SH3D19: variants seen among roughly 807,000 people sequenced by gnomAD.
SH3D19 encodes the protein SH3 domain-containing protein 19.
Under a neutral mutation model 112.1 loss-of-function variants are expected in SH3D19, and 58 were observed. The ratio of observed to expected loss-of-function variants is 0.52; its 90% CI spans 0.42 to 0.64. The LOEUF (loss-of-function observed/expected upper bound fraction) is 0.64. SH3D19 is among the 30% of genes least tolerant of loss of function. The pLI is 0.00. For synonymous variants in SH3D19, 391 were observed against 448.5 expected (o/e 0.87, Z 1.62); for missense variants, 1,090 against 1,263.4 (o/e 0.86, Z 2.08).
chr4:151,277,257 G>A, intron 1 of SH3D19: 1 of 1,460,168 alleles, frequency 6.8e-7, no homozygotes, highest in Non-Finnish European at 9.1e-7. Context: ...GAAGGCAGAG[G>A]CAGAGGATTT....
At position 151,198,382 on chromosome 4, in the gene SH3D19, T is replaced by TAACATATAA. The variant is rs1393433660; in HGVS notation, c.153-10920_153-10919insTTATATGTT. On this transcript the variant is annotated intron_variant, in intron 2 of 19. Transcript: ENST00000604030. ...AAAATTATATTATATAAAAATTATA[T>TAACATATAA]AATATATAATATATATCATATATTA... Among the ~76,000 whole-genome samples the TAACATATAA allele has an allele frequency of 4.7e-3, 184 of 39,082 alleles. 2 individuals are homozygous for TAACATATAA. The highest frequency in any genetic ancestry group is 0.014 in the Non-Finnish European group (127 of 8,842). The allele number at this position is 39,082 out of a possible 152,430, so 25.6% of individuals were successfully genotyped here.
At chr4:151,324,042 A>T (rs1730803760) in intron 1 of SH3D19, among the ~76,000 whole-genome samples, 1 of 152,244 alleles carries the variant, frequency 6.6e-6, no homozygotes, top group Non-Finnish European at 1.5e-5. Context: ...TTGGGTTTAC[A>T]CTGAACAAAA....
intron 2 of SH3D19, among the ~76,000 whole-genome samples, chr4:151,201,095 A>G (rs965068956): frequency 3.2e-4 from 48 of 152,368 alleles, no homozygotes; most frequent in African/African-American, 1.1e-3. Flanking sequence ...CTATTTTTAA[A>G]AATTGCTATA....
chr4:151,269,976 T>C (rs1008775497), intron 1 of SH3D19, among the ~76,000 whole-genome samples: 1 of 152,222 alleles, frequency 6.6e-6, no homozygotes, highest in African/African-American at 2.4e-5. Flanking sequence ...CAATAACATG[T>C]ATGGAGCTGT....
chr4:151,240,961 C>T lies in SH3D19; in HGVS notation c.113-14875G>A, dbSNP rs559711399. 2.6e-4 allele frequency among the ~76,000 whole-genome samples: 40 copies of T among 151,908 alleles called. 1 individual carries two copies. The South Asian group carries it at 8.3e-3, about 32-fold the overall frequency. ...AATGTAATTTAGCAAGAAAAAGGAA[C>T]GAAGTACTGGTCCATGCCACACATG... On this transcript the variant is annotated intron_variant, in intron 1 of 19. Coordinates refer to ENST00000604030, the MANE Select transcript of SH3D19 (RefSeq NM_001378122.1).
At chr4:151,247,828 GA>G (rs1367354021) in intron 1 of SH3D19, among the ~76,000 whole-genome samples, 1 of 152,140 alleles carries the variant, frequency 6.6e-6, no homozygotes. Flanking sequence ...TTAACTTTAA[GA>G]ATTGAATGTG....
intron 11 of SH3D19, among the ~76,000 whole-genome samples, chr4:151,145,882 G>A (rs1247723151): frequency 6.6e-6 from 1 of 152,140 alleles, no homozygotes; most frequent in Non-Finnish European, 1.5e-5. Context: ...GTTAAAGGAG[G>A]ATAATAATAT....
chr4:151,145,071 A>C (rs1463384735), intron 11 of SH3D19, among the ~76,000 whole-genome samples: 1 of 152,194 alleles, frequency 6.6e-6, no homozygotes, highest in Non-Finnish European at 1.5e-5. Flanking sequence ...CCATTTCCCA[A>C]CATCTTTGTC....
At chr4:151,141,891 T>C (rs1047902218) in intron 12 of SH3D19, among the ~76,000 whole-genome samples, 8 of 152,266 alleles carry the variant, frequency 5.3e-5, no homozygotes, top group Admixed American at 5.2e-4. Flanking sequence ...AGGGGATAAT[T>C]TGTGCCTCCC....
rs552915083 is a variant in SH3D19 at position 151,221,093 on chromosome 4, C to T, written c.152+4954G>A. On this transcript the variant is annotated intron_variant, in intron 2 of 19. Coordinates refer to ENST00000604030, the MANE Select transcript of SH3D19 (RefSeq NM_001378122.1). ...TTGGCCTACATATGATAAAACTTTT[C>T]CTTTAACTTGACAAGAATTATGTTT... 3.9e-5 allele frequency among the ~76,000 whole-genome samples: 6 copies of T among 152,174 alleles called. No individual in the cohort carries two copies. The South Asian group carries it at 8.3e-4, about 21-fold the overall frequency.
Position 151,174,533 on chromosome 4 carries a change from A to G in SH3D19, c.1534+137T>C, listed in dbSNP as rs1255696683. 3 of 681,674 alleles carry G rather than the reference A, an allele frequency of 4.4e-6. No individual in the cohort carries two copies. The East Asian group carries it at 9.0e-5, about 21-fold the overall frequency. 42.2% of individuals were successfully genotyped at this position (681,674 alleles called of 1,614,324 possible). A position where few individuals can be genotyped will look rare whatever the true frequency, so the allele number is the denominator to read the frequency against. The stretch of plus-strand genomic sequence containing the variant: ...TCTGTCTGTTCATTCCTCTGTTTCT[A>G]TACACACACATGCATGTGCACATAC... On this transcript the variant is annotated intron_variant, in intron 7 of 19. Transcript: ENST00000604030.
intron 1 of SH3D19, among the ~76,000 whole-genome samples, chr4:151,267,684 G>C (rs1368825653): frequency 6.6e-6 from 1 of 152,122 alleles, no homozygotes; most frequent in Non-Finnish European, 1.5e-5. Context: ...CAAAAAAATA[G>C]GGAAGAATTC....
intron 1 of SH3D19, among the ~76,000 whole-genome samples, chr4:151,319,118 T>TGGAGTG (rs1218681583): frequency 6.6e-6 from 1 of 152,198 alleles, no homozygotes; most frequent in Non-Finnish European, 1.5e-5. Context: ...TGGTGTGATC[T>TGGAGTG]CAGTTCACTG....
chr4:151,164,706 A>G (rs1757696457), intron 8 of SH3D19, among the ~76,000 whole-genome samples: 1 of 151,978 alleles, frequency 6.6e-6, no homozygotes, highest in Non-Finnish European at 1.5e-5. Context: ...CAGCCTCCCA[A>G]GTAGTTGGGA....
intron 1 of SH3D19, 67 bp from the exon 2 acceptor site, chr4:151,226,153 T>C: frequency 8.1e-7 from 1 of 1,230,594 alleles, no homozygotes; most frequent in Non-Finnish European, 1.0e-6. Context: ...AGTTTTTAAA[T>C]ACCAGCTGCC....
chr4:151,285,193 A>G (rs1240882426), intron 1 of SH3D19, among the ~76,000 whole-genome samples: 1 of 152,206 alleles, frequency 6.6e-6, no homozygotes, highest in Non-Finnish European at 1.5e-5. Flanking sequence ...GTAGCCTTTT[A>G]TATGCTGTCC....
intron 4 of SH3D19, among the ~76,000 whole-genome samples, chr4:151,179,050 T>C (rs1198326309): frequency 2.6e-5 from 4 of 152,224 alleles, no homozygotes; most frequent in Non-Finnish European, 5.9e-5. Flanking sequence ...CTAAGTAGCA[T>C]GAGGTACAAA....
chr4:151,165,737 A>G (rs758332486), intron 7 of SH3D19, 41 bp from the exon 8 acceptor site: 1 of 1,533,802 alleles, frequency 6.5e-7, no homozygotes, highest in East Asian at 2.2e-5. Flanking sequence ...TTTAGTTAAC[A>G]TGGACTGAAA....
At chr4:151,229,810 C>A (rs575606338) in intron 1 of SH3D19, among the ~76,000 whole-genome samples, 2 of 151,976 alleles carry the variant, frequency 1.3e-5, no homozygotes, top group African/African-American at 4.8e-5. Flanking sequence ...AGCTACTCTG[C>A]GGGCTGAGGT....
Sources: allele counts gnomAD v4.1 joint callset (sites outside exome capture counted in the v4.1 genomes callset), GRCh38; gene constraint gnomAD v4.1.1; transcripts MANE v1.5; gene names NCBI Gene and HGNC (gene_info 2026-07-23, HGNC 2026-07-21).